Variants in COL11A1 observed in about 807,000 individuals in gnomAD.
COL11A1 encodes the protein collagen type XI alpha 1 chain, also known as collagen alpha-1(XI) chain.
A neutral mutation model predicts 265.2 loss-of-function variants in COL11A1; 74 were observed. That is an observed-to-expected ratio of 0.28 (90% CI 0.23 to 0.34). The LOEUF (loss-of-function observed/expected upper bound fraction) is 0.34. COL11A1 is among the 10% of genes least tolerant of loss of function. The pLI is 1.00. For synonymous variants in COL11A1, 816 were observed against 727.6 expected (o/e 1.12, Z -1.96); for missense variants, 2,165 against 2,263.6 (o/e 0.96, Z 0.88).
chr1:102,877,589 C>G lies in COL11A1; in HGVS notation c.*430G>C, dbSNP rs1251006324. The stretch of plus-strand genomic sequence containing the variant: ...GTCAGATGGAATTCAGGGACACGTG[C>G]AAGTTTTGGAAATGGACACAGATAA... On this transcript the variant is annotated 3_prime_UTR_variant, in exon 67 of 67. Transcript: ENST00000370096. The G allele has an allele frequency of 6.5e-6, 1 of 153,456 alleles. No individual in the cohort carries two copies. 9.5% of individuals were successfully genotyped at this position (153,456 alleles called of 1,614,324 possible). A position where few individuals can be genotyped will look rare whatever the true frequency, so the allele number is the denominator to read the frequency against.
chr1:103,064,700 GAA>G (rs59331849), intron 4 of COL11A1, among the ~76,000 whole-genome samples: 1 of 123,398 alleles, frequency 8.1e-6, no homozygotes, highest in African/African-American at 3.0e-5. Context: ...AAAAAAAAAA[GAA>G]AAAAAAAAAA....
intron 47 of COL11A1, among the ~76,000 whole-genome samples, 161 bp from the exon 48 acceptor site, chr1:102,921,732 A>G (rs1042179811): frequency 1.3e-5 from 2 of 152,250 alleles, no homozygotes; most frequent in Admixed American, 1.3e-4. Flanking sequence ...ATACAACATC[A>G]TGTTAGCAAA....
chr1:103,042,717 T>C (rs1307005710), intron 4 of COL11A1, among the ~76,000 whole-genome samples: 1 of 152,010 alleles, frequency 6.6e-6, no homozygotes, highest in Non-Finnish European at 1.5e-5. Context: ...CTGAGCACTG[T>C]ATCAGTATTT....
rs376471518 is a variant in COL11A1 at position 102,943,233 on chromosome 1, A to G, written c.3277-2799T>C. ...CCATGCCCTGCTTGAGGTGATTTACATGTCCCTACTCCACTCCTCTATAGT... is the reference window on the plus strand; with the variant it reads ...CCATGCCCTGCTTGAGGTGATTTACGTGTCCCTACTCCACTCCTCTATAGT... On this transcript the variant is annotated intron_variant, in intron 42 of 66. Transcript: ENST00000370096. 3.9e-5 allele frequency among the ~76,000 whole-genome samples: 6 copies of G among 152,000 alleles called. No individual in the cohort carries two copies. The South Asian group carries it at 1.2e-3, about 32-fold the overall frequency.
At chr1:102,936,997 A>T (rs923212420) in intron 44 of COL11A1, among the ~76,000 whole-genome samples, 5 of 152,214 alleles carry the variant, frequency 3.3e-5, no homozygotes, top group Non-Finnish European at 7.4e-5. Context: ...AGATATGAGA[A>T]TATAGCTTCT....
At chr1:103,069,613 G>T (rs1247764172) in intron 4 of COL11A1, among the ~76,000 whole-genome samples, 1 of 151,604 alleles carries the variant, frequency 6.6e-6, no homozygotes, top group Non-Finnish European at 1.5e-5. Flanking sequence ...CAAAAAAAAG[G>T]CAAGTCACAT....
intron 20 of COL11A1, 108 bp from the exon 21 acceptor site, chr1:103,003,376 G>A (rs1665312496): frequency 8.2e-7 from 1 of 1,220,102 alleles, no homozygotes; most frequent in Non-Finnish European, 1.2e-6. Context: ...AAAAATATTT[G>A]GACATCTTTT....
intron 42 of COL11A1, among the ~76,000 whole-genome samples, chr1:102,943,452 TACACACAC>T (rs199996712): frequency 2.3e-4 from 18 of 79,374 alleles, no homozygotes; most frequent in African/African-American, 6.8e-4. Context: ...CACACACACA[TACACACAC>T]ACACACACAC....
chr1:102,997,924 A>C (rs1422146151), intron 25 of COL11A1, among the ~76,000 whole-genome samples: 8 of 151,964 alleles, frequency 5.3e-5, no homozygotes, highest in African/African-American at 1.4e-4. Context: ...TACTTTGAAA[A>C]GGAGGAGAAG....
Position 102,889,557 on chromosome 1 carries a change from A to G in COL11A1, c.4362T>C (p.His1454=). Residue 1454 remains histidine, a synonymous_variant, in exon 59 of 67, where the codon CAT becomes CAC. Coordinates refer to ENST00000370096, the MANE Select transcript of COL11A1 (RefSeq NM_001854.4). ...GACCAATCAGGCCAATTAAACCAGG[A>G]TGTCCCTTTGAAAGGCAGAGAAAAA... ...GDPGSKGEKG[H]PGLIGLIGPP... is the part of the protein sequence containing the mutation. 6.2e-7 allele frequency: 1 copy of G among 1,612,640 alleles called. No individual in the cohort carries two copies. The highest frequency in any genetic ancestry group is 1.1e-5 in the South Asian group (1 of 91,050).
intron 4 of COL11A1, among the ~76,000 whole-genome samples, chr1:103,048,030 TCA>T (rs571649722): frequency 4.9e-4 from 74 of 152,318 alleles, no homozygotes; most frequent in African/African-American, 1.7e-3. Context: ...GATTTTTGCA[TCA>T]ATGTTCATCA....
At chr1:103,028,646 A>G in intron 5 of COL11A1, among the ~76,000 whole-genome samples, 1 of 152,144 alleles carries the variant, frequency 6.6e-6, no homozygotes, top group Non-Finnish European at 1.5e-5. Flanking sequence ...AGAGTAGGTT[A>G]GGAGAAAGGA....
chr1:102,897,149 T>C (rs1320564270), intron 57 of COL11A1, among the ~76,000 whole-genome samples: 3 of 152,034 alleles, frequency 2.0e-5, no homozygotes, highest in African/African-American at 7.2e-5. Context: ...AGGTATGCTT[T>C]GCATACCAAA....
intron 46 of COL11A1, among the ~76,000 whole-genome samples, chr1:102,927,028 TTAAG>T (rs1255971501): frequency 2.6e-5 from 4 of 152,298 alleles, no homozygotes; most frequent in South Asian, 2.1e-4. Context: ...TAAACATTTA[TTAAG>T]TGTTTTAACA....
At chr1:103,021,239 T>C (rs951987431) in intron 9 of COL11A1, among the ~76,000 whole-genome samples, 2 of 151,592 alleles carry the variant, frequency 1.3e-5, no homozygotes, top group African/African-American at 4.8e-5. Flanking sequence ...CTTCTGTAGA[T>C]GAAAAGGAAG....
At chr1:103,003,547 T>C (rs918562622) in intron 20 of COL11A1, among the ~76,000 whole-genome samples, 11 of 152,184 alleles carry the variant, frequency 7.2e-5, no homozygotes, top group African/African-American at 2.4e-4. Flanking sequence ...GGAAACAGTT[T>C]AATATTTTCT....
intron 41 of COL11A1, among the ~76,000 whole-genome samples, chr1:102,957,728 T>A (rs1314157224): frequency 6.6e-6 from 1 of 152,062 alleles, no homozygotes; most frequent in Admixed American, 6.6e-5. Flanking sequence ...AGGGTCAAGA[T>A]GACTTGAAAA....
chr1:103,078,566 A>T (rs1672157114), intron 3 of COL11A1, 92 bp downstream of exon 3: 1 of 1,234,980 alleles, frequency 8.1e-7, no homozygotes, highest in Admixed American at 1.9e-5. Context: ...CCTCTAGAAA[A>T]ACCTTATCAC....
intron 46 of COL11A1, among the ~76,000 whole-genome samples, chr1:102,930,392 A>G (rs1657253802): frequency 6.6e-6 from 1 of 151,734 alleles, no homozygotes; most frequent in Non-Finnish European, 1.5e-5. Context: ...GCTGGATTAC[A>G]TTTATTGATT....
Sources: gnomAD v4.1 joint callset for allele counts (sites outside exome capture counted in the v4.1 genomes callset) on GRCh38, gnomAD v4.1.1 for gene constraint, MANE v1.5 for transcripts, NCBI Gene and HGNC (gene_info 2026-07-23, HGNC 2026-07-21) for gene names.